STPG2: variants seen among roughly 807,000 people sequenced by gnomAD.
STPG2 encodes the protein sperm tail PG-rich repeat containing 2.
STPG2 carries 56 observed loss-of-function variants against 54.2 expected under a neutral mutation model. The observed-to-expected ratio is 1.03, with a 90% CI of 0.83 to 1.29. STPG2 has a LOEUF of 1.29. Among genes scored for constraint, STPG2 ranks in the 50% most tolerant of loss-of-function variants. STPG2 has a pLI of 0.00. For missense variants in STPG2, 596 were observed against 544.9 expected, an observed-to-expected ratio of 1.09 and a Z score of -0.93; for synonymous variants, 200 against 181.8, an observed-to-expected ratio of 1.10 and a Z score of -0.81.
At chr4:98,009,286 A>AT (rs539158346) in intron 5 of STPG2, among the ~76,000 whole-genome samples, 4 of 150,502 alleles carry the variant, frequency 2.7e-5, no homozygotes, top group African/African-American at 9.8e-5. Context: ...AGTTTTTTTC[A>AT]TTTTTTTATC....
intron 3 of STPG2, among the ~76,000 whole-genome samples, chr4:98,112,694 T>TTGA (rs1739399389): frequency 6.6e-6 from 1 of 152,184 alleles, no homozygotes; most frequent in Non-Finnish European, 1.5e-5. Context: ...ATCCCCTTGA[T>TTGA]TGTTTCTTTC....
intron 9 of STPG2, among the ~76,000 whole-genome samples, chr4:97,740,450 T>C (rs1473009691): frequency 3.3e-5 from 5 of 152,260 alleles, no homozygotes; most frequent in Non-Finnish European, 4.4e-5. Flanking sequence ...CATGATTGTA[T>C]ATCTAGAAAA....
At chr4:97,862,141 A>T (rs1169520901) in intron 8 of STPG2, among the ~76,000 whole-genome samples, 1 of 152,056 alleles carries the variant, frequency 6.6e-6, no homozygotes, top group Non-Finnish European at 1.5e-5. Flanking sequence ...TTGGATAAAG[A>T]GTCAAGACCC....
At chr4:97,965,658 A>G (rs1005671312) in intron 7 of STPG2, among the ~76,000 whole-genome samples, 1 of 152,204 alleles carries the variant, frequency 6.6e-6, no homozygotes. Flanking sequence ...AGGATAAGGC[A>G]GCAATATTTG....
intron 5 of STPG2, among the ~76,000 whole-genome samples, chr4:98,014,759 T>A (rs1044928674): frequency 6.6e-6 from 1 of 152,222 alleles, no homozygotes; most frequent in African/African-American, 2.4e-5. Flanking sequence ...TTCTCTTTGA[T>A]GAAATCCCTC....
chr4:98,061,499 A>G (rs974544993), intron 5 of STPG2, among the ~76,000 whole-genome samples: 1 of 152,126 alleles, frequency 6.6e-6, no homozygotes, highest in Non-Finnish European at 1.5e-5. Flanking sequence ...CCATGATCCA[A>G]TCACCTCCCA....
chr4:98,085,103 AT>A (rs1279391202), intron 5 of STPG2, among the ~76,000 whole-genome samples: 2 of 152,006 alleles, frequency 1.3e-5, no homozygotes, highest in East Asian at 3.9e-4. Context: ...TTTTGAATTA[AT>A]TTTTTTGTAT....
chr4:98,007,571 C>T (rs1029030218), intron 5 of STPG2, among the ~76,000 whole-genome samples: 14 of 151,856 alleles, frequency 9.2e-5, no homozygotes, highest in East Asian at 3.9e-4. Context: ...ATGACACACC[C>T]CAAAGGATTA....
intron 5 of STPG2, 152 bp from the exon 6 acceptor site, chr4:97,981,470 C>G (rs1032841741): frequency 1.1e-5 from 8 of 752,924 alleles, no homozygotes; most frequent in Non-Finnish European, 1.7e-5. Context: ...GATCTTGTAC[C>G]CATCAAAACA....
At chr4:97,462,585 T>A (rs1160127749) in intron 4 of STPG2, among the ~76,000 whole-genome samples, 2 of 152,072 alleles carry the variant, frequency 1.3e-5, no homozygotes, top group African/African-American at 4.8e-5. Flanking sequence ...TTGTCAATAA[T>A]TTTTTGTAGT....
At chr4:98,032,383 A>C (rs1469880987) in intron 5 of STPG2, among the ~76,000 whole-genome samples, 1 of 152,122 alleles carries the variant, frequency 6.6e-6, no homozygotes, top group Non-Finnish European at 1.5e-5. Context: ...GTAACCAAAC[A>C]CCACCTGTAA....
chr4:97,450,976 T>C (rs993870083), intron 4 of STPG2, among the ~76,000 whole-genome samples: 4 of 152,138 alleles, frequency 2.6e-5, no homozygotes, highest in Admixed American at 6.5e-5. Context: ...CTAATCAAGA[T>C]GTTTTTCAGG....
chr4:97,637,403 A>C (rs1721594055), intron 10 of STPG2, among the ~76,000 whole-genome samples: 1 of 152,116 alleles, frequency 6.6e-6, no homozygotes, highest in African/African-American at 2.4e-5. Context: ...ATGGGCAAAA[A>C]CTGGAAGCAT....
At chr4:98,029,219 C>T (rs1269492800) in intron 5 of STPG2, among the ~76,000 whole-genome samples, 1 of 152,006 alleles carries the variant, frequency 6.6e-6, no homozygotes. Context: ...GCTAATAGTC[C>T]TGTTCAATCT....
intron 5 of STPG2, among the ~76,000 whole-genome samples, chr4:97,981,954 G>A (rs1024436915): frequency 1.9e-4 from 29 of 149,894 alleles, no homozygotes; most frequent in Non-Finnish European, 3.3e-4. Flanking sequence ...GCGCGATCTC[G>A]GCTCACTGCA....
intron 10 of STPG2, among the ~76,000 whole-genome samples, chr4:97,567,564 C>T (rs1227876923): frequency 4.0e-5 from 6 of 151,500 alleles, no homozygotes; most frequent in Non-Finnish European, 5.9e-5. Context: ...TTAATTTCAG[C>T]AATATTTACA....
intron 10 of STPG2, among the ~76,000 whole-genome samples, chr4:97,667,715 T>C (rs1722571756): frequency 6.6e-6 from 1 of 152,198 alleles, no homozygotes; most frequent in Non-Finnish European, 1.5e-5. Context: ...ATTTTGATAC[T>C]ATCATACTTC....
Position 97,651,396 on chromosome 4 carries a change from G to T in STPG2, c.1320+61303C>A, listed in dbSNP as rs188400864. On this transcript the variant is annotated intron_variant, in intron 10 of 10. Coordinates refer to ENST00000295268, the MANE Select transcript of STPG2 (RefSeq NM_174952.3). ...GTTATTATAAAAATCAATCTTGAGT[G>T]TAAAATAGCTCCAAACTTAAAATCA... 3.6e-3 allele frequency among the ~76,000 whole-genome samples: 549 copies of T among 152,156 alleles called. 5 individuals carry two copies. Among genetic ancestry groups the T allele is most frequent in the African/African-American group, 0.013 (522 of 41,550 alleles).
chr4:97,739,886 CA>C (rs1300231176), intron 9 of STPG2, among the ~76,000 whole-genome samples: 3 of 151,944 alleles, frequency 2.0e-5, no homozygotes, highest in Admixed American at 6.6e-5. Flanking sequence ...ATCCTGATAC[CA>C]AAGCCGGGCA....
Sources: allele counts gnomAD v4.1 joint callset (sites outside exome capture counted in the v4.1 genomes callset), GRCh38; gene constraint gnomAD v4.1.1; transcripts MANE v1.5; gene names NCBI Gene and HGNC (gene_info 2026-07-23, HGNC 2026-07-21).